The following SCFD1 variants were observed in gnomAD, a reference collection of about 807,000 sequenced individuals.
SCFD1 encodes the protein sec1 family domain-containing protein 1.
Under a neutral mutation model 103.2 loss-of-function variants are expected in SCFD1, and 37 were observed. The observed-to-expected ratio is 0.36, with a 90% CI of 0.28 to 0.47. The LOEUF is 0.47. Among genes scored for constraint, SCFD1 ranks in the 20% least tolerant of loss-of-function variants. The pLI is 1.00. For synonymous variants in SCFD1, 264 were observed against 245.0 expected (o/e 1.08, Z -0.73); for missense variants, 639 against 761.2 (o/e 0.84, Z 1.89).
intron 10 of SCFD1, among the ~76,000 whole-genome samples, chr14:30,655,624 CAG>C (rs1204257831): frequency 6.6e-6 from 1 of 152,070 alleles, no homozygotes; most frequent in Non-Finnish European, 1.5e-5. Context: ...TATAGCAGGA[CAG>C]AAATGGTAAG....
chr14:30,626,466 C>G (rs1046194616), intron 1 of SCFD1, among the ~76,000 whole-genome samples: 3 of 152,114 alleles, frequency 2.0e-5, no homozygotes, highest in Non-Finnish European at 4.4e-5. Context: ...CCCAGCCCAT[C>G]CAGTGAAACA....
At position 30,722,575 on chromosome 14, in the gene SCFD1, C is replaced by G; in HGVS notation, c.1836+16C>G. 3 of 1,525,308 alleles carry G rather than the reference C, an allele frequency of 2.0e-6. No individual in the cohort carries two copies. In the South Asian group the frequency reaches 3.6e-5, roughly 18 times the overall value. 94.5% of individuals were successfully genotyped at this position (1,525,308 alleles called of 1,614,324 possible). ...CTACATAAAGGTACATTTTATTTAG[C>G]CTTTTTATTCTGTTGTTAGATGGTT... On this transcript the variant is annotated intron_variant, in intron 23 of 24. Transcript: ENST00000458591.
At chr14:30,646,732 G>A (rs908647157) in intron 7 of SCFD1, among the ~76,000 whole-genome samples, 7 of 152,124 alleles carry the variant, frequency 4.6e-5, no homozygotes, top group African/African-American at 1.7e-4. Context: ...GAATTTGGCT[G>A]TGAATCCATC....
intron 23 of SCFD1, among the ~76,000 whole-genome samples, chr14:30,733,932 A>C (rs967707065): frequency 7.2e-5 from 11 of 151,994 alleles, no homozygotes; most frequent in African/African-American, 2.4e-4. Context: ...GCATACTGTG[A>C]CCTCTACCTT....
At chr14:30,692,376 A>AT (rs1343289352) in intron 14 of SCFD1, among the ~76,000 whole-genome samples, 7 of 152,192 alleles carry the variant, frequency 4.6e-5, no homozygotes. Flanking sequence ...GATGAGGTGT[A>AT]TAAAGTGCTG....
At chr14:30,639,931 G>C in intron 6 of SCFD1, 67 bp downstream of exon 6, 1 of 1,477,750 alleles carries the variant, frequency 6.8e-7, no homozygotes, top group South Asian at 1.3e-5. Context: ...AAGAAAAAAA[G>C]TGAATATGTT....
intron 11 of SCFD1, among the ~76,000 whole-genome samples, chr14:30,670,775 GT>G (rs1377848328): frequency 6.6e-6 from 1 of 151,938 alleles, no homozygotes; most frequent in Non-Finnish European, 1.5e-5. Context: ...TGTAAACCTT[GT>G]TTTAGATACT....
In SCFD1 at chr14:30,674,968, T is replaced by C; in HGVS notation, c.1161-16T>C. On this transcript the variant is annotated splice_polypyrimidine_tract_variant and intron_variant, in intron 13 of 24. Coordinates refer to ENST00000458591, the MANE Select transcript of SCFD1 (RefSeq NM_016106.4). ...GAAAATTTATTGGTTAATATTTAAT[T>C]TTTTGATACTTGCAGTTCTTTGCCA... 6.6e-7 allele frequency: 1 copy of C among 1,507,916 alleles called. No homozygotes were observed. The highest frequency in any genetic ancestry group is 1.3e-5 in the South Asian group (1 of 79,322). 93.4% of individuals were successfully genotyped at this position (1,507,916 alleles called of 1,614,324 possible). A position where few individuals can be genotyped will look rare whatever the true frequency, so the allele number is the denominator to read the frequency against.
At chr14:30,698,516 C>T (rs1216544185) in intron 15 of SCFD1, among the ~76,000 whole-genome samples, 1 of 152,176 alleles carries the variant, frequency 6.6e-6, no homozygotes, top group Non-Finnish European at 1.5e-5. Flanking sequence ...GTGCTAGATG[C>T]TGAAGATGCT....
chr14:30,652,398 G>C (rs1267319749), intron 9 of SCFD1: 6 of 151,888 alleles, frequency 4.0e-5, no homozygotes, highest in South Asian at 4.2e-4. Context: ...TCTGTTAAGG[G>C]GATAATAATA....
chr14:30,625,259 A>G (rs1196391860), intron 1 of SCFD1, among the ~76,000 whole-genome samples: 1 of 152,136 alleles, frequency 6.6e-6, no homozygotes, highest in Non-Finnish European at 1.5e-5. Context: ...GACATTAACC[A>G]AGTCTAGGAA....
At chr14:30,646,114 C>G (rs568766944) in intron 7 of SCFD1, among the ~76,000 whole-genome samples, 4 of 152,268 alleles carry the variant, frequency 2.6e-5, no homozygotes, top group African/African-American at 7.2e-5. Flanking sequence ...CAACCTCCAC[C>G]TCCTGGATTC....
At chr14:30,699,054 G>C (rs1438327286) in intron 15 of SCFD1, among the ~76,000 whole-genome samples, 1 of 151,952 alleles carries the variant, frequency 6.6e-6, no homozygotes, top group African/African-American at 2.4e-5. Flanking sequence ...ACTGAATCAG[G>C]CTAATTACCT....
intron 6 of SCFD1, 43 bp downstream of exon 6, chr14:30,639,907 G>T: frequency 2.6e-6 from 4 of 1,547,958 alleles, no homozygotes; most frequent in South Asian, 1.2e-5. Flanking sequence ...TTAACAAAAT[G>T]AATGGTATAC....
At chr14:30,625,736 T>C (rs1460876095) in intron 1 of SCFD1, among the ~76,000 whole-genome samples, 2 of 151,836 alleles carry the variant, frequency 1.3e-5, no homozygotes, top group African/African-American at 4.8e-5. Context: ...GGTATATCAA[T>C]AGGTATATTG....
chr14:30,664,270 TG>T (rs1887713847), intron 10 of SCFD1, among the ~76,000 whole-genome samples: 1 of 151,944 alleles, frequency 6.6e-6, no homozygotes, highest in Non-Finnish European at 1.5e-5. Flanking sequence ...GGGTCTGGAG[TG>T]GACCTCCAGC....
chr14:30,639,397 C>A lies in SCFD1; in HGVS notation c.436-380C>A, dbSNP rs78577967. On this transcript the variant is annotated intron_variant, in intron 5 of 24. Coordinates refer to ENST00000458591, the MANE Select transcript of SCFD1 (RefSeq NM_016106.4). ...TTTTTCCCACTTTATTAGAAAAGTT[C>A]TTGGTGTAAAACAATTACTGTGACT... Among the ~76,000 whole-genome samples the A allele has an allele frequency of 1.6e-3, 236 of 152,248 alleles. 8 individuals carry two copies. The East Asian group carries it at 0.039, about 25-fold the overall frequency.
chr14:30,661,252 G>A (rs1027074031), intron 10 of SCFD1, among the ~76,000 whole-genome samples: 2 of 152,070 alleles, frequency 1.3e-5, no homozygotes, highest in Admixed American at 6.6e-5. Flanking sequence ...TTTAATCCTT[G>A]CTCTACTCGA....
At chr14:30,661,932 G>A (rs1342654260) in intron 10 of SCFD1, among the ~76,000 whole-genome samples, 1 of 151,972 alleles carries the variant, frequency 6.6e-6, no homozygotes, top group Admixed American at 6.6e-5. Flanking sequence ...ATCTTATGAA[G>A]GCAATGATCC....
Sources: gnomAD v4.1 joint callset for allele counts (sites outside exome capture counted in the v4.1 genomes callset) on GRCh38, gnomAD v4.1.1 for gene constraint, MANE v1.5 for transcripts, NCBI Gene and HGNC (gene_info 2026-07-23, HGNC 2026-07-21) for gene names.